NAALADL2: variants seen among roughly 807,000 people sequenced by gnomAD.
The protein encoded by NAALADL2 is inactive N-acetylated-alpha-linked acidic dipeptidase-like protein 2.
Under a neutral mutation model 87.2 loss-of-function variants are expected in NAALADL2, and 76 were observed. The ratio of observed to expected loss-of-function variants is 0.87; its 90% CI spans 0.72 to 1.05. NAALADL2 has a LOEUF of 1.05. NAALADL2 is among the 50% of genes least tolerant of loss of function. The pLI is 0.00. For missense variants in NAALADL2, 1,089 were observed against 945.8 expected, an observed-to-expected ratio of 1.15 and a Z score of -1.99; for synonymous variants, 354 against 331.0, an observed-to-expected ratio of 1.07 and a Z score of -0.75.
intron 3 of NAALADL2, among the ~76,000 whole-genome samples, chr3:174,779,135 C>T (rs1183023280): frequency 6.6e-6 from 1 of 152,174 alleles, no homozygotes; most frequent in East Asian, 1.9e-4. Flanking sequence ...TTCTCTCCAG[C>T]ATCTGTTGTT....
At chr3:175,104,342 G>A (rs1037729781) in intron 2 of NAALADL2, among the ~76,000 whole-genome samples, 1 of 152,048 alleles carries the variant, frequency 6.6e-6, no homozygotes, top group Non-Finnish European at 1.5e-5. Flanking sequence ...CACTAGAAAG[G>A]CTAATATGAA....
chr3:175,154,246 C>T (rs980941835), intron 2 of NAALADL2, among the ~76,000 whole-genome samples: 5 of 152,164 alleles, frequency 3.3e-5, no homozygotes, highest in African/African-American at 7.2e-5. Flanking sequence ...TCCATGAAAA[C>T]CATATATCAT....
chr3:174,489,896 G>A (rs1469460162), intron 1 of NAALADL2, among the ~76,000 whole-genome samples: 1 of 151,174 alleles, frequency 6.6e-6, no homozygotes, highest in Non-Finnish European at 1.5e-5. Flanking sequence ...ACCCTTATAT[G>A]CATCAGCAAG....
intron 10 of NAALADL2, among the ~76,000 whole-genome samples, chr3:175,604,565 C>A (rs535127895): frequency 6.6e-6 from 1 of 152,146 alleles, no homozygotes; most frequent in Admixed American, 6.6e-5. Flanking sequence ...CAGCCTCCCA[C>A]AGTGCTGGGA....
intron 1 of NAALADL2, among the ~76,000 whole-genome samples, chr3:174,494,282 G>A (rs530374321): frequency 3.7e-4 from 56 of 152,228 alleles, no homozygotes; most frequent in African/African-American, 1.2e-3. Flanking sequence ...GTTTTAAGCA[G>A]GAGGTGAGAA....
chr3:175,726,168 C>T (rs202207116), intron 11 of NAALADL2, among the ~76,000 whole-genome samples: 1 of 151,394 alleles, frequency 6.6e-6, no homozygotes, highest in African/African-American at 2.4e-5. Context: ...TTTATTATTT[C>T]CGAATTAATC....
At chr3:175,130,498 C>A (rs73041350) in intron 2 of NAALADL2, among the ~76,000 whole-genome samples, 7,614 of 152,206 alleles carry the variant, frequency 0.05, 554 homozygotes, top group African/African-American at 0.16. Context: ...AGTTTTTAAT[C>A]CACTTTGAGT....
At chr3:175,234,389 G>C (rs117168963) in intron 3 of NAALADL2, among the ~76,000 whole-genome samples, 185 bp downstream of exon 3, 1 of 152,290 alleles carries the variant, frequency 6.6e-6, no homozygotes, top group East Asian at 1.9e-4. Flanking sequence ...GTCATATTTT[G>C]AAAGTGAAAA....
At chr3:174,609,927 C>G (rs1719624971) in intron 2 of NAALADL2, among the ~76,000 whole-genome samples, 1 of 152,078 alleles carries the variant, frequency 6.6e-6, no homozygotes, top group African/African-American at 2.4e-5. Flanking sequence ...TACAAGGCTA[C>G]AGTAACCAAA....
In NAALADL2 at chr3:175,540,112, GA is replaced by G. The variant is rs566399602; in HGVS notation, c.1654-35928del. 3.2e-3 allele frequency among the ~76,000 whole-genome samples: 494 copies of G among 152,294 alleles called. 1 individual carries two copies. The highest frequency in any genetic ancestry group is 0.014 in the Middle Eastern group (4 of 294). On this transcript the variant is annotated intron_variant, in intron 9 of 13. Coordinates refer to ENST00000454872, the MANE Select transcript of NAALADL2 (RefSeq NM_207015.3). Reference sequence around the variant, plus strand: ...TGACACAGAAATAGGGGATTACTTTGACTTCAGATTTCAGATGAAACAAACA... The same window carrying G: ...TGACACAGAAATAGGGGATTACTTTGCTTCAGATTTCAGATGAAACAAACA...
chr3:175,109,846 C>A (rs147567604), intron 2 of NAALADL2, among the ~76,000 whole-genome samples: 1 of 151,780 alleles, frequency 6.6e-6, no homozygotes, highest in East Asian at 1.9e-4. Context: ...CGAACCCACT[C>A]GTAAAGAGCA....
intron 1 of NAALADL2, among the ~76,000 whole-genome samples, chr3:175,082,680 A>G (rs568928206): frequency 2.4e-4 from 36 of 152,312 alleles, no homozygotes; most frequent in African/African-American, 7.7e-4. Context: ...ATAACTAAAA[A>G]TATTTTCTTT....
At chr3:175,092,325 A>T (rs1720299361) in intron 1 of NAALADL2, among the ~76,000 whole-genome samples, 1 of 151,406 alleles carries the variant, frequency 6.6e-6, no homozygotes, top group Admixed American at 6.6e-5. Flanking sequence ...TATGAAGTCC[A>T]CTCATTTAGA....
chr3:175,486,956 A>G (rs1363344183), intron 9 of NAALADL2, among the ~76,000 whole-genome samples: 1 of 152,152 alleles, frequency 6.6e-6, no homozygotes, highest in Non-Finnish European at 1.5e-5. Flanking sequence ...TGATTTCAGT[A>G]GCCTTTTAAC....
chr3:174,808,469 T>C (rs1056659154), intron 3 of NAALADL2, among the ~76,000 whole-genome samples: 5 of 152,176 alleles, frequency 3.3e-5, no homozygotes, highest in Admixed American at 2.0e-4. Context: ...TTCCTCTTTA[T>C]GAAAATATGT....
rs1726665173 is a variant in NAALADL2 at position 175,624,227 on chromosome 3, TG to T, written c.1801-3062del. ...TTTGTGGGGCTGATAAATAGGATCT[TG>T]GAAGTGGCCTCAGTCATTTTTTTAA... On this transcript the variant is annotated intron_variant, in intron 10 of 13. Coordinates refer to ENST00000454872, the MANE Select transcript of NAALADL2 (RefSeq NM_207015.3). Among the ~76,000 whole-genome samples, 4 of 152,136 alleles carry T rather than the reference TG, an allele frequency of 2.6e-5. No homozygotes were observed. In the South Asian group the frequency reaches 8.3e-4, roughly 32 times the overall value.
chr3:175,793,436 A>G (rs1427009003), intron 13 of NAALADL2, among the ~76,000 whole-genome samples: 1 of 150,840 alleles, frequency 6.6e-6, no homozygotes, highest in African/African-American at 2.4e-5. Flanking sequence ...CACCCTCCCG[A>G]GTAGCTGGGA....
chr3:174,947,521 A>G (rs767771240), intron 1 of NAALADL2, among the ~76,000 whole-genome samples: 3 of 152,186 alleles, frequency 2.0e-5, no homozygotes, highest in Non-Finnish European at 4.4e-5. Flanking sequence ...TTCCCTGGAA[A>G]GTACTATTCT....
intron 2 of NAALADL2, among the ~76,000 whole-genome samples, chr3:174,558,962 G>C (rs2108507699): frequency 6.6e-6 from 1 of 152,224 alleles, no homozygotes; most frequent in African/African-American, 2.4e-5. Context: ...TTTCAAATCT[G>C]ATCAATTAGA....
Sources: allele counts gnomAD v4.1 joint callset (sites outside exome capture counted in the v4.1 genomes callset), GRCh38; gene constraint gnomAD v4.1.1; transcripts MANE v1.5; gene names NCBI Gene and HGNC (gene_info 2026-07-23, HGNC 2026-07-21).